Variants in ZFHX3 observed in about 807,000 individuals in gnomAD.
The protein encoded by ZFHX3 is zinc finger homeobox protein 3.
ZFHX3 carries 42 observed loss-of-function variants against 279.1 expected under a neutral mutation model. The observed-to-expected ratio is 0.15, with a 90% CI of 0.12 to 0.19. The LOEUF (loss-of-function observed/expected upper bound fraction) is 0.19. Among genes scored for constraint, ZFHX3 ranks in the 10% least tolerant of loss-of-function variants. The pLI, the probability that ZFHX3 is intolerant of heterozygous loss-of-function variation, is 1.00. For synonymous variants in ZFHX3, 2,293 were observed against 1,957.8 expected, an observed-to-expected ratio of 1.17 and a Z score of -4.52; for missense variants, 4,981 against 4,754.0, an observed-to-expected ratio of 1.05 and a Z score of -1.40.
intron 1 of ZFHX3, among the ~76,000 whole-genome samples, chr16:73,006,723 T>C (rs537690180): frequency 6.7e-6 from 1 of 148,554 alleles, no homozygotes; most frequent in Non-Finnish European, 1.5e-5. Flanking sequence ...AATGTATCTC[T>C]CACACACATA....
At chr16:73,748,219 G>A (rs976293154) in intron 1 of ZFHX3, among the ~76,000 whole-genome samples, 1 of 152,076 alleles carries the variant, frequency 6.6e-6, no homozygotes, top group Non-Finnish European at 1.5e-5. Context: ...ATAAGGTAGA[G>A]ATACTGACAA....
Position 72,794,946 on chromosome 16 carries a change from G to C in ZFHX3, c.7736C>G (p.Pro2579Arg). 6.2e-7 allele frequency: 1 copy of C among 1,614,128 alleles called. No individual in the cohort carries two copies. Among genetic ancestry groups the C allele is most frequent in the East Asian group, 2.2e-5 (1 of 44,868 alleles). The change falls in exon 9 of 10, where the codon CCC becomes CGC. Residue 2579 changes from proline to arginine, a missense_variant. Transcript: ENST00000268489. This position sits in a 1 kb window ranked among gnomAD's most constrained non-coding sequence, Gnocchi z 4.2. The stretch of plus-strand genomic sequence containing the variant: ...CTGGCTGGCCAGGAGTGGGTTACTG[G>C]GATCAAAGAGCATGAAAGGCATATC... ...SLDMPFMLFD[P>R]SNPLLASQLL...
At chr16:73,530,070 G>A (rs1013973562) in intron 2 of ZFHX3, among the ~76,000 whole-genome samples, 1 of 152,108 alleles carries the variant, frequency 6.6e-6, no homozygotes. Context: ...GTAAATTACA[G>A]ACAAAAAGAG....
At chr16:73,579,939 TATA>T (rs955959572) in intron 2 of ZFHX3, among the ~76,000 whole-genome samples, 4 of 147,040 alleles carry the variant, frequency 2.7e-5, no homozygotes, top group African/African-American at 1.0e-4. Flanking sequence ...TGTGATATAT[TATA>T]ATGTAGAATA....
intron 8 of ZFHX3, chr16:73,093,193 C>T (rs560022615): frequency 5.8e-5 from 30 of 519,964 alleles, no homozygotes; most frequent in Middle Eastern, 6.4e-4. Context: ...AAACTCTGGA[C>T]GACCACGCGC....
At chr16:73,386,345 C>G (rs936203591) in intron 3 of ZFHX3, among the ~76,000 whole-genome samples, 2 of 152,102 alleles carry the variant, frequency 1.3e-5, no homozygotes, top group Non-Finnish European at 2.9e-5. Context: ...GATTTGAATT[C>G]CAGGTTCACC....
intron 5 of ZFHX3, among the ~76,000 whole-genome samples, chr16:73,225,233 C>G (rs529191002): frequency 1.3e-5 from 2 of 152,036 alleles, no homozygotes; most frequent in African/African-American, 4.8e-5. Context: ...GGGACAAATA[C>G]GGAAAATATG....
In ZFHX3 at chr16:72,957,795, G is replaced by A. The variant is rs2144435512; in HGVS notation, c.2351C>T (p.Ala784Val). 1 of 1,610,480 alleles carries A rather than the reference G, an allele frequency of 6.2e-7. No individual in the cohort carries two copies. Among genetic ancestry groups the A allele is most frequent in the Non-Finnish European group, 8.5e-7 (1 of 1,178,590 alleles). ...GGCCCCGCAGGAGCTACTGATATTGGCTGCCGCCGCCGCCGCAGCCACCGC... is the reference window on the plus strand; with the variant it reads ...GGCCCCGCAGGAGCTACTGATATTGACTGCCGCCGCCGCCGCAGCCACCGC... The part of the protein sequence containing the change: ...AAAVAAAAAA[A>V]NISSSCGAPS... Residue 784 changes from alanine (A) to valine (V), a missense_variant, in exon 2 of 10, where the codon GCC (alanine) becomes GTC (valine). Transcript: ENST00000268489.
chr16:73,209,872 A>C (rs1404745068), intron 5 of ZFHX3, among the ~76,000 whole-genome samples: 1 of 152,214 alleles, frequency 6.6e-6, no homozygotes, highest in Non-Finnish European at 1.5e-5. Flanking sequence ...ACAGAAACCC[A>C]GGGTCCCCAG....
Position 72,794,753 on chromosome 16 carries a change from A to C in ZFHX3, c.7929T>G (p.Arg2643=). Residue 2643 remains arginine (R), a synonymous_variant, in exon 9 of 10, where the codon CGT becomes CGG. Transcript: ENST00000268489. This position sits in a 1 kb window ranked among gnomAD's most constrained non-coding sequence, Gnocchi z 4.2. ...GTTCCGGTGTGATGGTTGTTCTCAA[A>C]CGCTTGTCTCTCTGAGGCTCTTCTC... ...TGGEEPQRDK[R]LRTTITPEQL... is the part of the protein sequence containing the mutation. 6.2e-7 allele frequency: 1 copy of C among 1,614,112 alleles called. No individual in the cohort carries two copies. Among genetic ancestry groups the C allele is most frequent in the Non-Finnish European group, 8.5e-7 (1 of 1,180,008 alleles).
At chr16:73,445,043 G>C (rs887393182) in intron 3 of ZFHX3, among the ~76,000 whole-genome samples, 1 of 151,354 alleles carries the variant, frequency 6.6e-6, no homozygotes, top group Admixed American at 6.6e-5. Flanking sequence ...GCTGAGGCAG[G>C]AGAATTGCTT....
intron 2 of ZFHX3, among the ~76,000 whole-genome samples, chr16:73,597,695 C>A (rs538397156): frequency 2.6e-5 from 4 of 152,262 alleles, no homozygotes; most frequent in South Asian, 2.1e-4. Context: ...AGCTAGGGGA[C>A]AAGCATGGAA....
chr16:73,009,589 T>C (rs937252114), intron 1 of ZFHX3, among the ~76,000 whole-genome samples: 7 of 152,222 alleles, frequency 4.6e-5, no homozygotes, highest in African/African-American at 1.7e-4. Context: ...TATGCAAAGA[T>C]AAGGTGTTAG....
At chr16:72,939,175 G>C (rs1390859634) in intron 3 of ZFHX3, among the ~76,000 whole-genome samples, 4 of 152,166 alleles carry the variant, frequency 2.6e-5, no homozygotes, top group Non-Finnish European at 5.9e-5. Context: ...GGACCACAGT[G>C]AAAACCATCT....
intron 8 of ZFHX3, among the ~76,000 whole-genome samples, chr16:73,086,112 A>C (rs1435707256): frequency 6.6e-6 from 1 of 152,228 alleles, no homozygotes; most frequent in Non-Finnish European, 1.5e-5. Flanking sequence ...TGCCATTTAA[A>C]AATGCTCCAC....
chr16:73,546,169 C>T (rs548043585), intron 2 of ZFHX3, among the ~76,000 whole-genome samples: 29 of 152,250 alleles, frequency 1.9e-4, no homozygotes, highest in Admixed American at 5.9e-4. Flanking sequence ...AACATAGTTG[C>T]TATTATCTCT....
intron 5 of ZFHX3, among the ~76,000 whole-genome samples, chr16:72,820,629 G>T (rs1242959213): frequency 6.6e-6 from 1 of 152,166 alleles, no homozygotes; most frequent in Non-Finnish European, 1.5e-5. Context: ...TTGGCCTCTT[G>T]TTGGTTCCCC....
chr16:73,244,075 T>C (rs2013209703), intron 5 of ZFHX3, among the ~76,000 whole-genome samples: 1 of 152,152 alleles, frequency 6.6e-6, no homozygotes, highest in Non-Finnish European at 1.5e-5. Flanking sequence ...GAAAGGCTTG[T>C]GAAATCAGGA....
intron 3 of ZFHX3, among the ~76,000 whole-genome samples, chr16:73,399,966 G>C (rs1009637786): frequency 6.6e-6 from 1 of 151,842 alleles, no homozygotes; most frequent in African/African-American, 2.4e-5. Flanking sequence ...CACAGTAACA[G>C]ACGTACTGAC....
Sources: gnomAD v4.1 joint callset for allele counts (sites outside exome capture counted in the v4.1 genomes callset) on GRCh38, gnomAD v4.1.1 for gene constraint, Gnocchi (gnomAD v3.1) non-coding constraint, MANE v1.5 for transcripts, NCBI Gene and HGNC (gene_info 2026-07-23, HGNC 2026-07-21) for gene names.